PDE1A: variants seen among roughly 807,000 people sequenced by gnomAD.
PDE1A encodes the protein dual specificity calcium/calmodulin-dependent 3',5'-cyclic nucleotide phosphodiesterase 1A.
PDE1A carries 35 observed loss-of-function variants against 61.7 expected under a neutral mutation model. The ratio of observed to expected loss-of-function variants is 0.57; its 90% CI spans 0.43 to 0.75. The LOEUF is 0.75. Ranked by LOEUF, PDE1A falls within the 30% of genes least tolerant of loss-of-function variation. PDE1A has a pLI of 0.00. For missense variants in PDE1A, 597 were observed against 630.6 expected (o/e 0.95, Z 0.57); for synonymous variants, 232 against 213.2 (o/e 1.09, Z -0.77).
At chr2:182,237,795 T>C (rs1364214083) in intron 3 of PDE1A, among the ~76,000 whole-genome samples, 1 of 151,648 alleles carries the variant, frequency 6.6e-6, no homozygotes. Context: ...ACAGAGAAAA[T>C]AACAGGATGA....
At chr2:182,696,920 T>C in the PDE1A span, among the ~76,000 whole-genome samples, 1 of 152,216 alleles carries the variant, frequency 6.6e-6, no homozygotes, top group Non-Finnish European at 1.5e-5. Context: ...AAAAGACTCA[T>C]AAGTATTTCT....
At chr2:182,168,064 C>G in exon 14 of PDE1A, 1 of 1,289,238 alleles carries the variant, frequency 7.8e-7, no homozygotes, top group African/African-American at 1.5e-5. Flanking sequence ...CAGTTGAGCC[C>G]GGTGAATTAA....
the PDE1A span, among the ~76,000 whole-genome samples, chr2:182,626,422 A>C: frequency 6.6e-6 from 1 of 152,004 alleles, no homozygotes; most frequent in Non-Finnish European, 1.5e-5. Flanking sequence ...ATATATTTTA[A>C]AATGTTATCT....
At chr2:182,146,701 G>A (rs1221205113), downstream of PDE1A, among the ~76,000 whole-genome samples, 1 of 152,030 alleles carries the variant, frequency 6.6e-6, no homozygotes, top group African/African-American at 2.4e-5. Context: ...GGCCGGGCTG[G>A]TCTCAAACTC....
At chr2:182,212,755 C>G (rs1481792820) in intron 7 of PDE1A, among the ~76,000 whole-genome samples, 1 of 152,014 alleles carries the variant, frequency 6.6e-6, no homozygotes, top group Non-Finnish European at 1.5e-5. Flanking sequence ...GCACCTGGCT[C>G]GGAGGGTCCT....
chr2:182,455,237 C>T (rs1349232402), intron 2 of PDE1A, among the ~76,000 whole-genome samples: 1 of 152,148 alleles, frequency 6.6e-6, no homozygotes, highest in Non-Finnish European at 1.5e-5. Context: ...GAATGGTGAT[C>T]ACTAAGAAGT....
chr2:182,573,545 T>A, the PDE1A span, among the ~76,000 whole-genome samples: 3 of 152,108 alleles, frequency 2.0e-5, no homozygotes, highest in East Asian at 5.8e-4. Flanking sequence ...AATGCAGGAA[T>A]CTTAATAGAT....
intron 2 of PDE1A, among the ~76,000 whole-genome samples, chr2:182,485,352 T>C (rs1687949510): frequency 6.6e-6 from 1 of 151,736 alleles, no homozygotes; most frequent in South Asian, 2.1e-4. Context: ...CAACAGACAC[T>C]GGGGTCTACC....
the PDE1A span, among the ~76,000 whole-genome samples, chr2:182,576,470 G>T: frequency 2.0e-5 from 3 of 152,090 alleles, no homozygotes; most frequent in Non-Finnish European, 4.4e-5. Context: ...ATCTACCAAC[G>T]AACACTTGTG....
the PDE1A span, among the ~76,000 whole-genome samples, chr2:182,563,179 T>C: frequency 4.6e-5 from 7 of 152,336 alleles, no homozygotes; most frequent in South Asian, 1.5e-3. Flanking sequence ...TCCTGCTTTC[T>C]CTTGTGGGCA....
the PDE1A span, among the ~76,000 whole-genome samples, chr2:182,694,826 G>A: frequency 1.1e-5 from 1 of 88,132 alleles, no homozygotes; most frequent in Non-Finnish European, 2.7e-5. Flanking sequence ...AAAAAAAGGT[G>A]GGGGGGGGGC....
chr2:182,365,578 G>A (rs923192238), intron 1 of PDE1A, among the ~76,000 whole-genome samples: 2 of 151,926 alleles, frequency 1.3e-5, no homozygotes, highest in South Asian at 2.1e-4. Flanking sequence ...GTAAATTGCA[G>A]GCTCATCATG....
chr2:182,685,012 C>T, the PDE1A span, among the ~76,000 whole-genome samples: 1 of 151,278 alleles, frequency 6.6e-6, no homozygotes, highest in Non-Finnish European at 1.5e-5. Flanking sequence ...TTGCATGATG[C>T]AAGCTTTTGA....
At chr2:182,431,139 AAAC>A (rs1461088702), upstream of PDE1A, among the ~76,000 whole-genome samples, 1 of 148,636 alleles carries the variant, frequency 6.7e-6, no homozygotes, top group Non-Finnish European at 1.5e-5. Flanking sequence ...AAAAAAAAAA[AAAC>A]ACAACACTGC....
intron 1 of PDE1A, among the ~76,000 whole-genome samples, chr2:182,334,655 C>A (rs892443958): frequency 6.6e-6 from 1 of 152,136 alleles, no homozygotes. Flanking sequence ...TATGACAAAC[C>A]TACAGCCAAT....
the PDE1A span, among the ~76,000 whole-genome samples, chr2:182,662,964 G>A: frequency 6.6e-6 from 1 of 151,974 alleles, no homozygotes; most frequent in African/African-American, 2.4e-5. Flanking sequence ...CAACTATAAG[G>A]AACTGAAACA....
At chr2:182,363,458 C>G (rs1467342428) in intron 1 of PDE1A, among the ~76,000 whole-genome samples, 1 of 151,660 alleles carries the variant, frequency 6.6e-6, no homozygotes, top group Non-Finnish European at 1.5e-5. Flanking sequence ...TCCAGGGTAG[C>G]AACTTTAAGT....
intron 1 of PDE1A, among the ~76,000 whole-genome samples, chr2:182,373,293 C>T (rs1157384477): frequency 6.6e-6 from 1 of 152,126 alleles, no homozygotes; most frequent in Non-Finnish European, 1.5e-5. Flanking sequence ...AGGAGAACAA[C>T]TTTCAACTTC....
At chr2:182,669,895 A>G in the PDE1A span, among the ~76,000 whole-genome samples, 1 of 152,196 alleles carries the variant, frequency 6.6e-6, no homozygotes, top group Non-Finnish European at 1.5e-5. Flanking sequence ...TTCCTTGTCT[A>G]TTAGGAACAT....
Sources: allele counts gnomAD v4.1 joint callset (sites outside exome capture counted in the v4.1 genomes callset), GRCh38; gene constraint gnomAD v4.1.1; transcripts MANE v1.5; gene names NCBI Gene and HGNC (gene_info 2026-07-23, HGNC 2026-07-21).